The following ABCB6 variants were observed in gnomAD, a reference collection of about 807,000 sequenced individuals.
ABCB6 encodes the protein ATP binding cassette subfamily B member 6 (LAN blood group).
A neutral mutation model predicts 99.4 loss-of-function variants in ABCB6; 87 were observed. That is an observed-to-expected ratio of 0.88 (90% CI 0.74 to 1.05). The LOEUF is 1.05. ABCB6 is among the 50% of genes least tolerant of loss of function. ABCB6 has a pLI of 0.00. For missense variants in ABCB6, 1,050 were observed against 1,097.9 expected, an observed-to-expected ratio of 0.96 and a Z score of 0.62; for synonymous variants, 482 against 447.5, an observed-to-expected ratio of 1.08 and a Z score of -0.97.
intron 13 of ABCB6, 50 bp from the exon 14 acceptor site, chr2:219,212,541 G>T: frequency 7.1e-7 from 1 of 1,407,360 alleles, no homozygotes. Context: ...CTTTTTTTTT[G>T]AGACCGAATC....
intron 9 of ABCB6, 53 bp downstream of exon 9, chr2:219,213,773 C>A: frequency 6.2e-7 from 1 of 1,613,540 alleles, no homozygotes; most frequent in South Asian, 1.1e-5. Flanking sequence ...AGACACAGGC[C>A]TCAGGCCCCC....
intron 18 of ABCB6, 64 bp downstream of exon 18, chr2:219,210,166 C>A: frequency 6.2e-7 from 1 of 1,608,156 alleles, no homozygotes; most frequent in South Asian, 1.1e-5. Flanking sequence ...CCTGGGACTT[C>A]ATGCCCCCTT....
At chr2:219,211,180 G>A (rs749694310) in intron 14 of ABCB6, 72 bp from the exon 15 acceptor site, 95 of 1,536,906 alleles carry the variant, frequency 6.2e-5, no homozygotes, top group Non-Finnish European at 7.1e-5. Flanking sequence ...TGGGCTGGCC[G>A]GAAGCACGTG....
chr2:219,214,966 T>G lies in ABCB6; in HGVS notation c.1271A>C (p.Tyr424Ser). ...GLIVFLCMSLYLTLTIVVTEW... is the reference protein window; with the variant it reads ...GLIVFLCMSLSLTLTIVVTEW... ...TGTCTCCCAGCAGCACTCACTGAGG[T>G]AAAGACTCATGCACAGGAACACAAT... Residue 424 changes from tyrosine to serine, a missense_variant, in exon 6 of 19, where the codon TAC becomes TCC. Coordinates refer to ENST00000265316, the MANE Select transcript of ABCB6 (RefSeq NM_005689.4). The G allele has an allele frequency of 6.2e-7, 1 of 1,613,998 alleles. No homozygotes were observed. Among genetic ancestry groups the G allele is most frequent in the Non-Finnish European group, 8.5e-7 (1 of 1,179,982 alleles).
chr2:219,215,238 A>G (rs921206706), intron 5 of ABCB6, 156 bp from the exon 6 acceptor site: 3 of 833,122 alleles, frequency 3.6e-6, no homozygotes, highest in Non-Finnish European at 5.5e-6. Context: ...TAAATCAACC[A>G]TGCTCAAACT....
chr2:219,215,094 G>C lies in ABCB6; in HGVS notation c.1155-12C>G, dbSNP rs754543108. ...TGAACACCAGGTAGCTAGGAGGGCA[G>C]GTCAAGTGAATAAGAAAGGTCTGGG... On this transcript the variant is annotated splice_polypyrimidine_tract_variant and intron_variant, in intron 5 of 18. Transcript: ENST00000265316. 10 of 1,613,912 alleles carry C rather than the reference G, an allele frequency of 6.2e-6. No individual in the cohort carries two copies. The East Asian group carries it at 1.6e-4, about 25-fold the overall frequency.
In ABCB6 at chr2:219,218,134, C is replaced by A; in HGVS notation, c.540G>T (p.Leu180Phe). ...CCACAGAGTCCCTCACCTGCTGGCC[C>A]AAGTCTGCCCTTGCCCACCACCACT... Reference protein sequence around the residue: ...SPQWWWARADLGQQVQFSLWV... With the variant: ...SPQWWWARADFGQQVQFSLWV... The change falls in exon 1 of 19, where the codon TTG becomes TTT. Residue 180 changes from leucine (L) to phenylalanine (F), a missense_variant. Physicochemically the swap from Leu to Phe is conservative, Grantham distance 22. Coordinates refer to ENST00000265316, the MANE Select transcript of ABCB6 (RefSeq NM_005689.4). 1 of 1,603,902 alleles carries A rather than the reference C, an allele frequency of 6.2e-7. No homozygotes were observed.
chr2:219,218,552 G>A lies in ABCB6; in HGVS notation c.122C>T (p.Thr41Ile), dbSNP rs1206121593. The A allele has an allele frequency of 6.2e-7, 1 of 1,612,386 alleles. No homozygotes were observed. Among genetic ancestry groups the A allele is most frequent in the Non-Finnish European group, 8.5e-7 (1 of 1,179,702 alleles). The change falls in exon 1 of 19, where the codon ACT (threonine) becomes ATT (isoleucine). Residue 41 changes from threonine (T) to isoleucine (I), a missense_variant. Coordinates refer to ENST00000265316, the MANE Select transcript of ABCB6 (RefSeq NM_005689.4). Reference sequence around the variant, plus strand: ...GGGAAGAGCCAGCACCAAGGCCAGAGTCCCCAGAGCCATCCGCGTCGAGGG... The same window carrying A: ...GGGAAGAGCCAGCACCAAGGCCAGAATCCCCAGAGCCATCCGCGTCGAGGG... ...LVPSTRMALGTLALVLALPCR... is the reference protein window; with the variant it reads ...LVPSTRMALGILALVLALPCR...
rs1231038087 is a variant in ABCB6, at chr2:219,218,953, G to A, written c.-280C>T. 7 of 405,190 alleles carry A rather than the reference G, an allele frequency of 1.7e-5. No homozygotes were observed. The Admixed American group carries it at 2.3e-4, about 13-fold the overall frequency. The allele number at this position is 405,190 out of a possible 1,614,324, so 25.1% of individuals were successfully genotyped here. On this transcript the variant is annotated 5_prime_UTR_variant, in exon 1 of 19. Coordinates refer to ENST00000265316, the MANE Select transcript of ABCB6 (RefSeq NM_005689.4). ...ACCCTCCTGCCAACTGCAGGCCCACGGGAATGCTCGGTGTTGGACTCGCAC... is the reference window on the plus strand; with the variant it reads ...ACCCTCCTGCCAACTGCAGGCCCACAGGAATGCTCGGTGTTGGACTCGCAC...
At chr2:219,214,314 G>T in intron 7 of ABCB6, 75 bp downstream of exon 7, 1 of 1,477,768 alleles carries the variant, frequency 6.8e-7, no homozygotes, top group South Asian at 1.1e-5. Flanking sequence ...CCAGCTCTCT[G>T]TCAGCCCCAG....
At chr2:219,218,026 A>AG in intron 1 of ABCB6, 99 bp downstream of exon 1, 3 of 1,451,628 alleles carry the variant, frequency 2.1e-6, no homozygotes, top group Non-Finnish European at 2.8e-6. Context: ...CCCTTTGCTT[A>AG]GAGGCATCCT....
rs372490763 is a variant in ABCB6, at chr2:219,211,063, C to T, written c.2014G>A (p.Asp672Asn). The change falls in exon 15 of 19, where the codon GAC becomes AAC. Residue 672 changes from aspartate (D) to asparagine (N), a missense_variant. Physicochemically the swap from Asp to Asn is conservative, Grantham distance 23. Transcript: ENST00000265316. Reference sequence around the variant, plus strand: ...ATGGTGTCATTAAAGAGGACAGTGTCTTGGGGCACAACTCCAATGTGAGAC... The same window carrying T: ...ATGGTGTCATTAAAGAGGACAGTGTTTTGGGGCACAACTCCAATGTGAGAC... ...LRSHIGVVPQ[D>N]TVLFNDTIAD... 5 of 1,614,054 alleles carry T rather than the reference C, an allele frequency of 3.1e-6. No homozygotes were observed. The highest frequency in any genetic ancestry group is 4.2e-6 in the Non-Finnish European group (5 of 1,180,058).
rs1015137922 is a variant in ABCB6, at chr2:219,214,060, C to T, written c.1452+61G>A. The T allele has an allele frequency of 8.7e-6, 14 of 1,613,128 alleles. No homozygotes were observed. In the African/African-American group the frequency reaches 1.6e-4, roughly 18 times the overall value. ...CCCAACACTCGACTATCACTCTTGG[C>T]CCTGAAAATTCTACCAGGCCAGGGC... On this transcript the variant is annotated intron_variant, in intron 8 of 18. Transcript: ENST00000265316.
chr2:219,210,656 G>C, intron 16 of ABCB6, 55 bp downstream of exon 16: 13 of 1,610,026 alleles, frequency 8.1e-6, no homozygotes, highest in Non-Finnish European at 1.0e-5. Flanking sequence ...GTGCCCAGGA[G>C]GAACGGCTTG....
intron 5 of ABCB6, 110 bp downstream of exon 5, chr2:219,215,887 A>G: frequency 8.2e-7 from 1 of 1,215,578 alleles, no homozygotes; most frequent in South Asian, 1.8e-5. Context: ...AAAAACACCA[A>G]GGTGGGAGCG....
At chr2:219,211,980 G>GTCTCGA (rs1950585007) in intron 14 of ABCB6, among the ~76,000 whole-genome samples, 1 of 151,854 alleles carries the variant, frequency 6.6e-6, no homozygotes. Flanking sequence ...AGCCAGGATG[G>GTCTCGA]TCTCGATCTC....
Position 219,216,829 on chromosome 2 carries a change from G to C in ABCB6, c.691C>G (p.Arg231Gly). ...CAGGTAGACTGTTGGGCTGCTGACC[G>C]AACCTAGGATGGTGAAACACGTAGG... The part of the protein sequence containing the change: ...EDQDVERSQV[R>G]SAAQQSTWRD... The change falls in exon 3 of 19, where the codon CGG becomes GGG. Residue 231 changes from arginine to glycine, a missense_variant. Arg to Gly is a moderately radical substitution (Grantham distance 125). Coordinates refer to ENST00000265316, the MANE Select transcript of ABCB6 (RefSeq NM_005689.4). This position sits in a 1 kb window ranked among gnomAD's most constrained non-coding sequence, Gnocchi z 4.2. 1 of 1,611,072 alleles carries C rather than the reference G, an allele frequency of 6.2e-7. No individual in the cohort carries two copies. The highest frequency in any genetic ancestry group is 1.1e-5 in the South Asian group (1 of 90,820).
intron 16 of ABCB6, 32 bp downstream of exon 16, chr2:219,210,679 G>A: frequency 6.2e-7 from 1 of 1,612,822 alleles, no homozygotes; most frequent in Non-Finnish European, 8.5e-7. Flanking sequence ...CATACACAAG[G>A]CAGGAAGGAG....
Position 219,218,104 on chromosome 2 carries a change from C to T in ABCB6, c.549+21G>A, listed in dbSNP as rs769984572. On this transcript the variant is annotated intron_variant, in intron 1 of 18. Coordinates refer to ENST00000265316, the MANE Select transcript of ABCB6 (RefSeq NM_005689.4). The stretch of plus-strand genomic sequence containing the variant: ...CAAGCCCGGCCAGCAGAGGCTTCCC[C>T]CTTCCCACAGAGTCCCTCACCTGCT... 7.6e-6 allele frequency: 12 copies of T among 1,580,268 alleles called. No homozygotes were observed. In the East Asian group the frequency reaches 1.6e-4, roughly 21 times the overall value.
Sources: gnomAD v4.1 joint callset for allele counts (sites outside exome capture counted in the v4.1 genomes callset) on GRCh38, gnomAD v4.1.1 for gene constraint, Gnocchi (gnomAD v3.1) non-coding constraint, MANE v1.5 for transcripts, NCBI Gene and HGNC (gene_info 2026-07-23, HGNC 2026-07-21) for gene names.